SRBD1: variants seen among roughly 807,000 people sequenced by gnomAD.
SRBD1 encodes S1 RNA-binding domain-containing protein 1.
A neutral mutation model predicts 115.3 loss-of-function variants in SRBD1; 88 were observed. The ratio of observed to expected loss-of-function variants is 0.76; its 90% CI spans 0.64 to 0.91. The LOEUF (loss-of-function observed/expected upper bound fraction) is 0.91. SRBD1 is among the 40% of genes least tolerant of loss of function. The pLI, the probability that SRBD1 is intolerant of heterozygous loss-of-function variation, is 0.00. For missense variants in SRBD1, 1,385 were observed against 1,177.4 expected, an observed-to-expected ratio of 1.18 and a Z score of -2.58; for synonymous variants, 509 against 407.7, an observed-to-expected ratio of 1.25 and a Z score of -2.99.
At chr2:45,470,525 T>C (rs952493498) in intron 16 of SRBD1, among the ~76,000 whole-genome samples, 1 of 152,170 alleles carries the variant, frequency 6.6e-6, no homozygotes, top group Non-Finnish European at 1.5e-5. Flanking sequence ...CCTACTTTAC[T>C]GTGTGTGTTC....
intron 9 of SRBD1, among the ~76,000 whole-genome samples, chr2:45,563,440 G>A (rs1352726863): frequency 6.6e-6 from 1 of 151,304 alleles, no homozygotes; most frequent in Non-Finnish European, 1.5e-5. Context: ...ACCAAAACAA[G>A]CAGAAGAAAA....
chr2:45,571,519 A>AAAAAAAAAAAAAAAAAAAAAC (rs1673012901), intron 9 of SRBD1, among the ~76,000 whole-genome samples: 1 of 72,878 alleles, frequency 1.4e-5, no homozygotes, highest in African/African-American at 6.7e-5. Flanking sequence ...GACTTTACCA[A>AAAAAAAAAAAAAAAAAAAAAC]AAAAAAAAAA....
At chr2:45,481,068 CTG>C (rs1418377258) in intron 15 of SRBD1, among the ~76,000 whole-genome samples, 1 of 152,174 alleles carries the variant, frequency 6.6e-6, no homozygotes, top group Non-Finnish European at 1.5e-5. Flanking sequence ...AGCAAAAAGA[CTG>C]TGAACTGCTG....
chr2:45,420,987 CAG>C (rs1443281981), intron 16 of SRBD1, among the ~76,000 whole-genome samples: 1 of 152,150 alleles, frequency 6.6e-6, no homozygotes, highest in Non-Finnish European at 1.5e-5. Flanking sequence ...AGGTTATTAA[CAG>C]AAGACATTTT....
chr2:45,564,209 A>G (rs1193043924), intron 9 of SRBD1, among the ~76,000 whole-genome samples: 1 of 152,216 alleles, frequency 6.6e-6, no homozygotes, highest in Non-Finnish European at 1.5e-5. Flanking sequence ...GATCATCTCA[A>G]TAGATGTGGA....
At chr2:45,603,246 T>C (rs971195943) in intron 2 of SRBD1, among the ~76,000 whole-genome samples, 2 of 152,148 alleles carry the variant, frequency 1.3e-5, no homozygotes, top group African/African-American at 4.8e-5. Context: ...ACAGATACCG[T>C]TGTGTTATAC....
intron 14 of SRBD1, among the ~76,000 whole-genome samples, chr2:45,508,047 G>T (rs553361350): frequency 6.6e-6 from 1 of 152,208 alleles, no homozygotes; most frequent in South Asian, 2.1e-4. Flanking sequence ...AAGCCTGACC[G>T]ATAGATATTT....
At chr2:45,451,863 A>G (rs1669009234) in intron 16 of SRBD1, among the ~76,000 whole-genome samples, 1 of 151,866 alleles carries the variant, frequency 6.6e-6, no homozygotes, top group South Asian at 2.1e-4. Context: ...GAGAGGTAAA[A>G]ATAAAAACTG....
chr2:45,418,299 G>A, intron 18 of SRBD1, 66 bp downstream of exon 18: 1 of 1,559,810 alleles, frequency 6.4e-7, no homozygotes, highest in Non-Finnish European at 8.7e-7. Flanking sequence ...CTAATCAGTG[G>A]TAGGATAGGT....
chr2:45,540,341 A>T (rs1206891254), intron 14 of SRBD1, among the ~76,000 whole-genome samples: 1 of 135,862 alleles, frequency 7.4e-6, no homozygotes, highest in Non-Finnish European at 1.6e-5. Context: ...AGTCCATCTT[A>T]AAAAAAAAAA....
At chr2:45,466,213 A>T (rs900322247) in intron 16 of SRBD1, among the ~76,000 whole-genome samples, 1 of 152,148 alleles carries the variant, frequency 6.6e-6, no homozygotes, top group South Asian at 2.1e-4. Flanking sequence ...CACAGAGAAG[A>T]TAAGAAATGT....
chr2:45,476,423 C>T (rs557308908), intron 16 of SRBD1, among the ~76,000 whole-genome samples: 1 of 152,260 alleles, frequency 6.6e-6, no homozygotes, highest in African/African-American at 2.4e-5. Flanking sequence ...AGGAGGAAAA[C>T]AATGTGACCC....
chr2:45,415,489 A>C (rs2103621935), intron 18 of SRBD1, among the ~76,000 whole-genome samples: 1 of 146,696 alleles, frequency 6.8e-6, no homozygotes, highest in African/African-American at 2.5e-5. Flanking sequence ...ATATATATGG[A>C]GGAGTGTGTA....
At chr2:45,434,434 G>A (rs1668428194) in intron 16 of SRBD1, among the ~76,000 whole-genome samples, 1 of 152,138 alleles carries the variant, frequency 6.6e-6, no homozygotes, top group Non-Finnish European at 1.5e-5. Context: ...AGCCCTCATT[G>A]GATCTTGGCT....
chr2:45,574,578 TAAC>T, intron 8 of SRBD1, 46 bp downstream of exon 8: 2 of 1,556,286 alleles, frequency 1.3e-6, no homozygotes, highest in South Asian at 2.3e-5. Flanking sequence ...GTGTGACCCT[TAAC>T]AGCATGAGTC....
intron 16 of SRBD1, among the ~76,000 whole-genome samples, chr2:45,467,784 T>C (rs1005014540): frequency 3.3e-5 from 5 of 152,136 alleles, no homozygotes; most frequent in Non-Finnish European, 7.4e-5. Context: ...TGAAAATAGC[T>C]TACCTTTTTC....
intron 14 of SRBD1, among the ~76,000 whole-genome samples, chr2:45,512,586 G>A (rs1166665190): frequency 2.0e-5 from 3 of 152,130 alleles, no homozygotes; most frequent in Non-Finnish European, 4.4e-5. Flanking sequence ...ACCAACTAGG[G>A]CTTTGAACAG....
chr2:45,413,022 T>G, intron 19 of SRBD1, 92 bp downstream of exon 19: 1 of 1,411,592 alleles, frequency 7.1e-7, no homozygotes, highest in Non-Finnish European at 9.6e-7. Context: ...AACGGTCATA[T>G]TTTTCAGTTT....
chr2:45,579,926 C>G lies in SRBD1; in HGVS notation c.1021G>C (p.Glu341Gln). 1 of 1,609,962 alleles carries G rather than the reference C, an allele frequency of 6.2e-7. No individual in the cohort carries two copies. Among genetic ancestry groups the G allele is most frequent in the Non-Finnish European group, 8.5e-7 (1 of 1,178,054 alleles). Residue 341 changes from glutamate to glutamine, a missense_variant, in exon 7 of 21, where the codon GAG becomes CAG. Coordinates refer to ENST00000263736, the MANE Select transcript of SRBD1 (RefSeq NM_018079.5). ...AGCAGACTGAGCTCCCCTGGTTTCT[C>G]AAGCAGTGCCCTGGCTGCTCCTTCT... is the stretch of plus-strand genomic sequence containing the variant. ...GLEGAARALL[E>Q]KPGELSLLSY... is the part of the protein sequence containing the mutation.
Sources: gnomAD v4.1 joint callset for allele counts (sites outside exome capture counted in the v4.1 genomes callset) on GRCh38, gnomAD v4.1.1 for gene constraint, MANE v1.5 for transcripts, NCBI Gene and HGNC (gene_info 2026-07-23, HGNC 2026-07-21) for gene names.